BRINP2: variants seen among roughly 807,000 people sequenced by gnomAD.
BRINP2 encodes BMP/retinoic acid inducible neural specific 2.
A neutral mutation model predicts 69.2 loss-of-function variants in BRINP2; 21 were observed. The observed-to-expected ratio is 0.30, with a 90% CI of 0.22 to 0.44. The LOEUF is 0.44. Among genes scored for constraint, BRINP2 ranks in the 20% least tolerant of loss-of-function variants. The probability of loss-of-function intolerance (pLI) is 1.00; values close to 1 mark genes in which losing one functional copy is unlikely to be tolerated. For missense variants in BRINP2, 877 were observed against 986.0 expected (o/e 0.89, Z 1.48); for synonymous variants, 380 against 394.1 (o/e 0.96, Z 0.42).
In BRINP2 at chr1:177,281,766, G is replaced by T; in HGVS notation, c.*238G>T. The T allele has an allele frequency of 2.4e-6, 1 of 408,264 alleles. No homozygotes were observed. 25.3% of individuals were successfully genotyped at this position (408,264 alleles called of 1,614,324 possible). On this transcript the variant is annotated 3_prime_UTR_variant, in exon 8 of 8. Coordinates refer to ENST00000361539, the MANE Select transcript of BRINP2 (RefSeq NM_021165.4). ...GGCACAGGGAGGCTACAACTAAGCA[G>T]CCTCAGATCTGTAAAGTTGATTGGT...
intron 1 of BRINP2, among the ~76,000 whole-genome samples, chr1:177,220,834 G>A (rs1329997772): frequency 1.3e-5 from 2 of 152,148 alleles, no homozygotes; most frequent in Admixed American, 1.3e-4. Context: ...CCATGGTGGA[G>A]GAGTACGCCT....
At chr1:177,173,350 A>C (rs1261809831) in intron 1 of BRINP2, among the ~76,000 whole-genome samples, 1 of 152,256 alleles carries the variant, frequency 6.6e-6, no homozygotes, top group Non-Finnish European at 1.5e-5. Context: ...AGATAAAGGA[A>C]GCAAATGTCA....
At chr1:177,274,552 T>C (rs1651435581) in intron 5 of BRINP2, among the ~76,000 whole-genome samples, 1 of 152,208 alleles carries the variant, frequency 6.6e-6, no homozygotes, top group Non-Finnish European at 1.5e-5. Context: ...CTGATGTCCC[T>C]GGATGGGCTG....
intron 2 of BRINP2, among the ~76,000 whole-genome samples, chr1:177,247,119 G>A (rs1479949915): frequency 1.3e-5 from 2 of 152,220 alleles, no homozygotes. Context: ...ACAAAATGGT[G>A]ATGTCATCGC....
rs142713612 is a variant in BRINP2 at position 177,268,530 on chromosome 1, G to T, written c.670-4958G>T. On this transcript the variant is annotated intron_variant, in intron 4 of 7. Coordinates refer to ENST00000361539, the MANE Select transcript of BRINP2 (RefSeq NM_021165.4). ...ACTACCCTTACTTAGCAACTTCTTT[G>T]CACTAACATGGACATATGCACCTTT... 5.7e-3 allele frequency among the ~76,000 whole-genome samples: 861 copies of T among 152,286 alleles called. 9 individuals are homozygous for T. The highest frequency in any genetic ancestry group is 0.018 in the African/African-American group (733 of 41,574).
chr1:177,249,962 G>A (rs1215001542), intron 2 of BRINP2, among the ~76,000 whole-genome samples: 1 of 152,226 alleles, frequency 6.6e-6, no homozygotes, highest in African/African-American at 2.4e-5. Context: ...ACCACTGGGA[G>A]CCCCTAGAGT....
chr1:177,281,614 C>G lies in BRINP2; in HGVS notation c.*86C>G. The G allele has an allele frequency of 6.8e-7, 1 of 1,469,216 alleles. No homozygotes were observed. The highest frequency in any genetic ancestry group is 2.2e-5 in the Admixed American group (1 of 44,898). 91.0% of individuals were successfully genotyped at this position (1,469,216 alleles called of 1,614,324 possible). On this transcript the variant is annotated 3_prime_UTR_variant, in exon 8 of 8. Transcript: ENST00000361539. ...ATCTAAGCCCTCACCTTAGTGCCAA[C>G]AGGGTGTGCTCCCACGAGACTTTCA...
chr1:177,257,286 C>G lies in BRINP2; in HGVS notation c.571C>G (p.Leu191Val). Reference protein sequence around the residue: ...GGSGNSTAVSLETLHQLAASY... With the variant: ...GGSGNSTAVSVETLHQLAASY... ...CAGTGGGAACAGCACAGCTGTGTCCCTGGAGACCCTGCACCAGCTGGCCGC... is the reference window on the plus strand; with the variant it reads ...CAGTGGGAACAGCACAGCTGTGTCCGTGGAGACCCTGCACCAGCTGGCCGC... The change falls in exon 4 of 8, where the codon CTG (leucine) becomes GTG (valine). Residue 191 changes from leucine (L) to valine (V), a missense_variant. Leu to Val is a conservative substitution (Grantham distance 32). Coordinates refer to ENST00000361539, the MANE Select transcript of BRINP2 (RefSeq NM_021165.4). The G allele has an allele frequency of 6.2e-7, 1 of 1,614,076 alleles. No homozygotes were observed. The highest frequency in any genetic ancestry group is 8.5e-7 in the Non-Finnish European group (1 of 1,180,024).
intron 1 of BRINP2, among the ~76,000 whole-genome samples, chr1:177,209,069 T>A (rs1329995831): frequency 6.6e-6 from 1 of 152,040 alleles, no homozygotes; most frequent in Non-Finnish European, 1.5e-5. Flanking sequence ...TGTGACCGCA[T>A]GGGTTGTGTT....
At chr1:177,265,309 G>C (rs1013110492) in intron 4 of BRINP2, among the ~76,000 whole-genome samples, 1 of 152,118 alleles carries the variant, frequency 6.6e-6, no homozygotes, top group Non-Finnish European at 1.5e-5. Context: ...ATTAACTCAA[G>C]ATGGATTAAA....
intron 1 of BRINP2, among the ~76,000 whole-genome samples, chr1:177,179,714 G>C (rs1017294110): frequency 6.6e-6 from 1 of 152,160 alleles, no homozygotes; most frequent in African/African-American, 2.4e-5. Flanking sequence ...ATAGCAAAAG[G>C]GCTGGGGACA....
At chr1:177,212,493 T>G (rs950192295) in intron 1 of BRINP2, among the ~76,000 whole-genome samples, 17 of 151,150 alleles carry the variant, frequency 1.1e-4, no homozygotes, top group Non-Finnish European at 1.6e-4. Flanking sequence ...TGCAGTGAGC[T>G]GAGATTGTGC....
chr1:177,270,091 T>TG (rs1192754730), intron 4 of BRINP2, among the ~76,000 whole-genome samples: 2 of 140,148 alleles, frequency 1.4e-5, no homozygotes, highest in African/African-American at 2.8e-5. Context: ...GTGGGGGGGG[T>TG]GGTTCTCAAG....
At chr1:177,229,279 G>A (rs1649791454) in intron 1 of BRINP2, among the ~76,000 whole-genome samples, 1 of 152,166 alleles carries the variant, frequency 6.6e-6, no homozygotes, top group African/African-American at 2.4e-5. Context: ...CTTCACAGCA[G>A]CAACGGAAGG....
intron 4 of BRINP2, among the ~76,000 whole-genome samples, chr1:177,267,230 C>G (rs1354731895): frequency 7.1e-6 from 1 of 140,980 alleles, no homozygotes; most frequent in East Asian, 2.1e-4. Flanking sequence ...AAAGACTAGG[C>G]ACTAAATCTA....
At chr1:177,258,539 G>T (rs551892217) in intron 4 of BRINP2, among the ~76,000 whole-genome samples, 1 of 152,276 alleles carries the variant, frequency 6.6e-6, no homozygotes, top group South Asian at 2.1e-4. Context: ...TTGCTTCATT[G>T]CATTTTGCAG....
chr1:177,190,685 G>C (rs560974733), intron 1 of BRINP2, among the ~76,000 whole-genome samples: 25 of 152,246 alleles, frequency 1.6e-4, no homozygotes, highest in African/African-American at 6.0e-4. Flanking sequence ...AGTGAGCATT[G>C]GGTCCCAGTC....
intron 1 of BRINP2, among the ~76,000 whole-genome samples, chr1:177,204,791 A>G (rs995893715): frequency 2.0e-5 from 3 of 152,214 alleles, no homozygotes; most frequent in Non-Finnish European, 2.9e-5. Flanking sequence ...AACCAGTGAT[A>G]ATTACAAATG....
chr1:177,234,117 C>T (rs1304869447), intron 2 of BRINP2, among the ~76,000 whole-genome samples: 1 of 152,204 alleles, frequency 6.6e-6, no homozygotes, highest in Non-Finnish European at 1.5e-5. Context: ...GGTCCTGTTT[C>T]CAGTTCCATG....
Sources: allele counts gnomAD v4.1 joint callset (sites outside exome capture counted in the v4.1 genomes callset), GRCh38; gene constraint gnomAD v4.1.1; transcripts MANE v1.5; gene names NCBI Gene and HGNC (gene_info 2026-07-23, HGNC 2026-07-21).